Variants in XKR9 observed in about 807,000 individuals in gnomAD.
The protein encoded by XKR9 is XK-related protein 9.
In XKR9, 32 loss-of-function variants were observed where a neutral mutation model predicts 32.0. That is an observed-to-expected ratio of 1.00 (90% CI 0.76 to 1.34). The LOEUF (loss-of-function observed/expected upper bound fraction) is 1.34, where lower values mean the gene tolerates loss of function less well. XKR9 is among the 40% of genes most tolerant of loss of function. The pLI, the probability that XKR9 is intolerant of heterozygous loss-of-function variation, is 0.00. For synonymous variants in XKR9, 168 were observed against 143.4 expected (o/e 1.17, Z -1.22); for missense variants, 546 against 429.7 (o/e 1.27, Z -2.39).
intron 2 of XKR9, among the ~76,000 whole-genome samples, chr8:70,675,275 A>G (rs772392486): frequency 1.3e-5 from 2 of 152,110 alleles, no homozygotes; most frequent in Non-Finnish European, 2.9e-5. Context: ...AAAATACAAA[A>G]ATTAGCTGGG....
At chr8:70,719,187 G>T (rs940850737) in intron 4 of XKR9, among the ~76,000 whole-genome samples, 1 of 151,756 alleles carries the variant, frequency 6.6e-6, no homozygotes, top group African/African-American at 2.4e-5. Context: ...TAAGTTTCTT[G>T]TAGATTCTGG....
the XKR9 span, among the ~76,000 whole-genome samples, chr8:71,006,406 A>G: frequency 6.6e-6 from 1 of 152,202 alleles, no homozygotes; most frequent in South Asian, 2.1e-4. Flanking sequence ...AATCCTTCCA[A>G]TGTGGTCCAG....
chr8:71,058,184 A>T, the XKR9 span, among the ~76,000 whole-genome samples: 10 of 152,158 alleles, frequency 6.6e-5, no homozygotes, highest in African/African-American at 2.2e-4. Context: ...GTCTCAAAAA[A>T]AAAATAAAAT....
At chr8:70,863,214 A>G in the XKR9 span, among the ~76,000 whole-genome samples, 1 of 152,146 alleles carries the variant, frequency 6.6e-6, no homozygotes, top group African/African-American at 2.4e-5. Context: ...GAAGAAGAAG[A>G]AGGAGCAGCG....
At chr8:70,813,437 A>C in the XKR9 span, among the ~76,000 whole-genome samples, 1 of 152,240 alleles carries the variant, frequency 6.6e-6, no homozygotes, top group Non-Finnish European at 1.5e-5. Context: ...CAAAATTGAC[A>C]AACATGATGC....
At chr8:70,762,203 A>G (rs972714261) in intron 2 of XKR9, among the ~76,000 whole-genome samples, 2 of 152,054 alleles carry the variant, frequency 1.3e-5, no homozygotes, top group Non-Finnish European at 2.9e-5. Context: ...TTCCATATGA[A>G]TTTTAAAATA....
At chr8:70,899,759 C>T in the XKR9 span, among the ~76,000 whole-genome samples, 1 of 152,098 alleles carries the variant, frequency 6.6e-6, no homozygotes, top group Non-Finnish European at 1.5e-5. Context: ...CAGATGCTTC[C>T]ATGTCAGCAC....
the XKR9 span, among the ~76,000 whole-genome samples, chr8:70,846,600 A>G: frequency 6.6e-6 from 1 of 152,102 alleles, no homozygotes; most frequent in Non-Finnish European, 1.5e-5. Flanking sequence ...AATGAATTAA[A>G]AAAACCCATG....
downstream of XKR9, among the ~76,000 whole-genome samples, chr8:70,740,299 G>T (rs1409411945): frequency 1.3e-4 from 20 of 152,134 alleles, no homozygotes; most frequent in African/African-American, 4.1e-4. Flanking sequence ...TAGTTCTCGA[G>T]CCTTGGTTTT....
intron 2 of XKR9, among the ~76,000 whole-genome samples, chr8:70,776,961 A>ATATATATATATATATG (rs796746390): frequency 7.2e-4 from 63 of 88,068 alleles, no homozygotes; most frequent in South Asian, 1.3e-3. Flanking sequence ...ATATATATAT[A>ATATATATATATATATG]TATGTATGTA....
chr8:70,980,354 G>A, the XKR9 span, among the ~76,000 whole-genome samples: 9 of 152,288 alleles, frequency 5.9e-5, no homozygotes, highest in South Asian at 2.1e-4. Context: ...AGTCATGCTC[G>A]GAGCTCCAGA....
At chr8:70,724,179 C>T (rs943641616) in intron 4 of XKR9, among the ~76,000 whole-genome samples, 1 of 152,150 alleles carries the variant, frequency 6.6e-6, no homozygotes, top group Non-Finnish European at 1.5e-5. Flanking sequence ...TTCCTCAACA[C>T]TGTCAGGGGA....
the XKR9 span, among the ~76,000 whole-genome samples, chr8:70,974,225 T>C: frequency 6.6e-6 from 1 of 152,070 alleles, no homozygotes; most frequent in Non-Finnish European, 1.5e-5. Flanking sequence ...GTCCCTCTTT[T>C]TTTTTTTAAC....
the XKR9 span, among the ~76,000 whole-genome samples, chr8:70,978,487 C>T: frequency 6.6e-6 from 1 of 152,128 alleles, no homozygotes; most frequent in South Asian, 2.1e-4. Context: ...TTCTCCTTCA[C>T]TTTTGAAACT....
chr8:70,679,729 A>G (rs2132108092), intron 2 of XKR9, among the ~76,000 whole-genome samples: 1 of 152,356 alleles, frequency 6.6e-6, no homozygotes, highest in Admixed American at 6.5e-5. Context: ...ACTGAGTCAG[A>G]CAAATCTTGT....
At position 70,672,417 on chromosome 8, in the gene XKR9, AT is replaced by A. The variant is rs970131822; in HGVS notation, c.-360-2394del. 2.0e-5 allele frequency among the ~76,000 whole-genome samples: 3 copies of A among 152,138 alleles called. 1 individual carries two copies. Among genetic ancestry groups the A allele is most frequent in the East Asian group, 1.9e-4 (1 of 5,190 alleles). On this transcript the variant is annotated intron_variant, in intron 1 of 4. Transcript: ENST00000408926. ...ACAGAGCCCTCAGAAATATGATCTC[AT>A]TTTTTTATGGCCAAATAGTATTTTA...
In XKR9 at chr8:70,674,809, T is replaced by C. The variant is rs1818829542; in HGVS notation, c.-360-9T>C. 1.3e-5 allele frequency: 2 copies of C among 152,164 alleles called. No individual in the cohort carries two copies. The allele number at this position is 152,164 out of a possible 1,614,324, so 9.4% of individuals were successfully genotyped here. ...GGTTTACACATCCTTTAATTATACT[T>C]GTTTTTAGTGAAGAAGAAGTAAAAT... On this transcript the variant is annotated splice_polypyrimidine_tract_variant and intron_variant, in intron 1 of 4. Transcript: ENST00000408926.
intron 2 of XKR9, among the ~76,000 whole-genome samples, chr8:70,755,136 C>T (rs1455568145): frequency 2.0e-5 from 3 of 152,186 alleles, no homozygotes; most frequent in Admixed American, 6.5e-5. Context: ...GACATTTATG[C>T]AACCAAAAGA....
At chr8:70,918,683 ACT>A in the XKR9 span, among the ~76,000 whole-genome samples, 1 of 150,386 alleles carries the variant, frequency 6.6e-6, no homozygotes, top group Non-Finnish European at 1.5e-5. Flanking sequence ...ACAGAGCAAG[ACT>A]CTGTCTCAGA....
Sources: gnomAD v4.1 joint callset for allele counts (sites outside exome capture counted in the v4.1 genomes callset) on GRCh38, gnomAD v4.1.1 for gene constraint, MANE v1.5 for transcripts, NCBI Gene and HGNC (gene_info 2026-07-23, HGNC 2026-07-21) for gene names.